ERICH1: variants seen among roughly 807,000 people sequenced by gnomAD.
ERICH1 encodes the protein glutamate-rich protein 1.
In ERICH1, 56 loss-of-function variants were observed where a neutral mutation model predicts 39.6. That is an observed-to-expected ratio of 1.41 (90% CI 1.14 to 1.77). The LOEUF is 1.77. ERICH1 is among the 40% of genes most tolerant of loss of function. The probability of loss-of-function intolerance (pLI) is 0.00; values close to 1 mark genes in which losing one functional copy is unlikely to be tolerated. For missense variants in ERICH1, 826 were observed against 575.4 expected, an observed-to-expected ratio of 1.44 and a Z score of -4.45; for synonymous variants, 313 against 223.6, an observed-to-expected ratio of 1.40 and a Z score of -3.57.
intron 3 of ERICH1, among the ~76,000 whole-genome samples, chr8:623,073 T>C (rs564149264): frequency 8.5e-5 from 13 of 152,322 alleles, no homozygotes; most frequent in Non-Finnish European, 1.6e-4. Context: ...ACTCATTTTA[T>C]AGAACAGTAT....
At chr8:640,414 T>C (rs1314642073) in intron 3 of ERICH1, among the ~76,000 whole-genome samples, 1 of 152,194 alleles carries the variant, frequency 6.6e-6, no homozygotes, top group Non-Finnish European at 1.5e-5. Flanking sequence ...CATTCTGTAA[T>C]GAGATTTTAC....
Position 668,814 on chromosome 8 carries a change from T to C in ERICH1, c.1064-22A>G, listed in dbSNP as rs200683319. Reference sequence around the variant, plus strand: ...ACACCTACATAAAGTCAGTTTTGCTTGGAAATACAGTTTTGTTTTTATTTC... The same window carrying C: ...ACACCTACATAAAGTCAGTTTTGCTCGGAAATACAGTTTTGTTTTTATTTC... On this transcript the variant is annotated intron_variant, in intron 4 of 5. Transcript: ENST00000262109. 4.5e-5 allele frequency: 70 copies of C among 1,568,554 alleles called. No homozygotes were observed. In the Admixed American group the frequency reaches 1.3e-3, roughly 29 times the overall value.
At chr8:674,935 A>ATT (rs1408967520) in intron 3 of ERICH1, among the ~76,000 whole-genome samples, 5 of 152,170 alleles carry the variant, frequency 3.3e-5, no homozygotes, top group Admixed American at 3.3e-4. Flanking sequence ...TGGTGTAAAT[A>ATT]TTTCCCCCGT....
intron 3 of ERICH1, chr8:625,917 G>A (rs1018959707): frequency 2.0e-5 from 3 of 152,142 alleles, no homozygotes; most frequent in Non-Finnish European, 4.4e-5. Context: ...TTAATAAACT[G>A]GTCCAGATTT....
intron 2 of ERICH1, among the ~76,000 whole-genome samples, chr8:696,785 C>T (rs866787831): frequency 9.8e-6 from 1 of 102,284 alleles, no homozygotes; most frequent in South Asian, 4.6e-4. Context: ...AGCCTGCGCT[C>T]GCTCCTCTCA....
At chr8:717,103 C>T (rs1023594854) in intron 1 of ERICH1, among the ~76,000 whole-genome samples, 4 of 152,182 alleles carry the variant, frequency 2.6e-5, no homozygotes, top group African/African-American at 9.6e-5. Context: ...AACAAGGTGG[C>T]TGCTCACTCA....
chr8:700,831 C>T (rs1490065819), intron 2 of ERICH1, among the ~76,000 whole-genome samples: 1 of 152,236 alleles, frequency 6.6e-6, no homozygotes, highest in African/African-American at 2.4e-5. Context: ...CAGAGGCTTC[C>T]AGATGGCAGA....
rs1488757293 is a variant in ERICH1 at position 668,660 on chromosome 8, T to C, written c.1196A>G (p.Gln399Arg). ...AGCATGCTTCAATCTCTCAGTATCT[T>C]GCAGGAGCAGCAGCGTTTTCATGTG... ...LYHMKTLLLL[Q>R]DTERLKHALE... The change falls in exon 5 of 6, where the codon CAA (glutamine) becomes CGA (arginine). Residue 399 changes from glutamine (Q) to arginine (R), a missense_variant. By Grantham distance (43) the Gln-to-Arg change is conservative (BLOSUM62 1). Transcript: ENST00000262109. 13 of 1,614,104 alleles carry C rather than the reference T, an allele frequency of 8.1e-6. No individual in the cohort carries two copies. The highest frequency in any genetic ancestry group is 9.3e-6 in the Non-Finnish European group (11 of 1,180,052).
chr8:677,854 G>A (rs1347045987), intron 3 of ERICH1, among the ~76,000 whole-genome samples: 2 of 152,034 alleles, frequency 1.3e-5, no homozygotes, highest in African/African-American at 2.4e-5. Flanking sequence ...AGAACACTGC[G>A]GAATGCTGCT....
At chr8:619,696 T>G (rs1488367839) in intron 3 of ERICH1, among the ~76,000 whole-genome samples, 1 of 152,182 alleles carries the variant, frequency 6.6e-6, no homozygotes, top group Admixed American at 6.5e-5. Context: ...AATATATTGT[T>G]GGGTTTGTAA....
At chr8:627,121 G>C (rs765459706) in intron 3 of ERICH1, 2 of 456,260 alleles carry the variant, frequency 4.4e-6, no homozygotes, top group South Asian at 3.1e-5. Context: ...ATCAGTCAAG[G>C]TCATGGATAT....
intron 3 of ERICH1, among the ~76,000 whole-genome samples, chr8:628,319 T>C (rs997515111): frequency 1.3e-5 from 2 of 152,232 alleles, no homozygotes; most frequent in African/African-American, 4.8e-5. Context: ...CCCAACTGTC[T>C]GCTGTGGAAA....
At chr8:685,101 C>T (rs747019543) in intron 3 of ERICH1, among the ~76,000 whole-genome samples, 12 of 152,230 alleles carry the variant, frequency 7.9e-5, no homozygotes, top group Non-Finnish European at 1.3e-4. Flanking sequence ...GGGCGTGTTT[C>T]ATCCCTATCT....
chr8:626,338 G>C (rs1422473449), intron 3 of ERICH1: 1 of 152,190 alleles, frequency 6.6e-6, no homozygotes, highest in Non-Finnish European at 1.5e-5. Flanking sequence ...GCTTGAAAGG[G>C]AGTGACCGGG....
chr8:707,001 T>C (rs1168729665), intron 2 of ERICH1, among the ~76,000 whole-genome samples: 2 of 151,902 alleles, frequency 1.3e-5, no homozygotes, highest in Non-Finnish European at 2.9e-5. Context: ...GATCCTAACA[T>C]TAATATGGAA....
intron 3 of ERICH1, among the ~76,000 whole-genome samples, chr8:654,419 G>C (rs1244203607): frequency 1.3e-5 from 2 of 152,062 alleles, no homozygotes; most frequent in Non-Finnish European, 2.9e-5. Context: ...GGGCCTCCTC[G>C]AGGGGCTACG....
intron 3 of ERICH1, among the ~76,000 whole-genome samples, chr8:623,458 A>G (rs1165228543): frequency 6.6e-6 from 1 of 152,228 alleles, no homozygotes; most frequent in Non-Finnish European, 1.5e-5. Flanking sequence ...CAAAAGGGAA[A>G]GAATAGTCTT....
intron 5 of ERICH1, among the ~76,000 whole-genome samples, chr8:665,315 C>T (rs930540772): frequency 2.6e-5 from 4 of 152,324 alleles, no homozygotes; most frequent in African/African-American, 9.6e-5. Flanking sequence ...CTGAGCCCGC[C>T]GGCCCTGGCT....
At chr8:703,475 G>A (rs942892667) in intron 2 of ERICH1, among the ~76,000 whole-genome samples, 9 of 152,150 alleles carry the variant, frequency 5.9e-5, no homozygotes, top group Non-Finnish European at 1.0e-4. Context: ...GAAAAAGGGG[G>A]GCAGGCAGGC....
Sources: gnomAD v4.1 joint callset for allele counts (sites outside exome capture counted in the v4.1 genomes callset) on GRCh38, gnomAD v4.1.1 for gene constraint, MANE v1.5 for transcripts, NCBI Gene and HGNC (gene_info 2026-07-23, HGNC 2026-07-21) for gene names.